Variants in RGPD3 observed in about 807,000 individuals in gnomAD.
The protein encoded by RGPD3 is RANBP2 like and GRIP domain containing 3.
In RGPD3, 62 loss-of-function variants were observed where a neutral mutation model predicts 154.5. That is an observed-to-expected ratio of 0.40 (90% CI 0.33 to 0.50). The LOEUF (loss-of-function observed/expected upper bound fraction) is 0.50. Ranked by LOEUF, RGPD3 falls within the 20% of genes least tolerant of loss-of-function variation. The probability of loss-of-function intolerance (pLI) is 0.59; values close to 1 mark genes in which losing one functional copy is unlikely to be tolerated. For synonymous variants in RGPD3, 308 were observed against 607.0 expected (o/e 0.51, Z 7.24); for missense variants, 919 against 1,716.8 (o/e 0.54, Z 8.21).
chr2:106,466,073 T>C (rs1678568911), intron 1 of RGPD3, among the ~76,000 whole-genome samples: 1 of 151,114 alleles, frequency 6.6e-6, no homozygotes, highest in Non-Finnish European at 1.5e-5. Context: ...AGCACCCGGG[T>C]GCCCAAGCCC....
intron 22 of RGPD3, among the ~76,000 whole-genome samples, chr2:106,407,329 C>T (rs577015665): frequency 6.6e-6 from 1 of 152,106 alleles, no homozygotes; most frequent in Non-Finnish European, 1.5e-5. Flanking sequence ...ATTAGGTTAG[C>T]CTACTGGCTC....
rs1232951707 is a variant in RGPD3 at position 106,426,653 on chromosome 2, G to A, written c.2606-565C>T. On this transcript the variant is annotated intron_variant, in intron 18 of 22. Transcript: ENST00000409886. ...CAACACTCATACAGATGTACAAACT[G>A]TCTGCTCCCTCTGTTTGGTCTGTTT... Among the ~76,000 whole-genome samples, 8 of 152,316 alleles carry A rather than the reference G, an allele frequency of 5.3e-5. No individual in the cohort carries two copies. In the South Asian group the frequency reaches 8.3e-4, roughly 16 times the overall value.
At chr2:106,420,738 T>G (rs1676957839) in intron 20 of RGPD3, among the ~76,000 whole-genome samples, 1 of 152,302 alleles carries the variant, frequency 6.6e-6, no homozygotes, top group Non-Finnish European at 1.5e-5. Flanking sequence ...TAACTGTTTC[T>G]TTTTATTCTT....
At chr2:106,438,410 C>A (rs1677641247) in intron 9 of RGPD3, among the ~76,000 whole-genome samples, 1 of 150,610 alleles carries the variant, frequency 6.6e-6, no homozygotes, top group Admixed American at 6.6e-5. Context: ...ATCCCTTGAG[C>A]CCAGAAGTTC....
At chr2:106,455,034 C>G in intron 4 of RGPD3, among the ~76,000 whole-genome samples, 1 of 152,050 alleles carries the variant, frequency 6.6e-6, no homozygotes, top group Non-Finnish European at 1.5e-5. Flanking sequence ...GGCACAGTGG[C>G]TCACACCTGT....
chr2:106,445,528 T>C (rs1175753906), intron 7 of RGPD3, among the ~76,000 whole-genome samples: 2 of 152,312 alleles, frequency 1.3e-5, no homozygotes, highest in Non-Finnish European at 2.9e-5. Flanking sequence ...ATGCCTGTAA[T>C]CCCAGCACTT....
At chr2:106,430,201 A>C (rs1475857032) in intron 17 of RGPD3, among the ~76,000 whole-genome samples, 1 of 151,038 alleles carries the variant, frequency 6.6e-6, no homozygotes, top group Non-Finnish European at 1.5e-5. Context: ...ATCTTTTGAA[A>C]GTTTCTATTT....
intron 6 of RGPD3, among the ~76,000 whole-genome samples, chr2:106,448,232 T>G (rs1433282372): frequency 6.6e-6 from 1 of 152,134 alleles, no homozygotes; most frequent in Admixed American, 6.5e-5. Flanking sequence ...CTCAGCCTCC[T>G]GAGTAGCTGG....
At chr2:106,468,805 CAAAAAAAAAAAAAAAA>C (rs57971663), upstream of RGPD3, among the ~76,000 whole-genome samples, 2 of 56,932 alleles carry the variant, frequency 3.5e-5, no homozygotes, top group Middle Eastern at 0.036. Context: ...GACTCCATCT[CAAAAAAAAAAAAAAAA>C]AAAAAAAAAA....
chr2:106,465,530 A>T (rs1437742416), intron 1 of RGPD3, among the ~76,000 whole-genome samples: 19 of 147,976 alleles, frequency 1.3e-4, no homozygotes, highest in African/African-American at 4.7e-4. Flanking sequence ...CAAGGTCCCC[A>T]CTAAGAATCT....
intron 1 of RGPD3, among the ~76,000 whole-genome samples, chr2:106,467,668 G>A (rs1404047100): frequency 7.1e-5 from 10 of 141,386 alleles, no homozygotes; most frequent in Middle Eastern, 4.9e-3. Flanking sequence ...AGCGCCCGTC[G>A]GGAGCCATGA....
rs779380461 is a variant in RGPD3, at chr2:106,459,339, A to G, written c.73-7T>C. The G allele has an allele frequency of 1.3e-6, 2 of 1,547,600 alleles. No homozygotes were observed. The highest frequency in any genetic ancestry group is 2.3e-4 in the Middle Eastern group (1 of 4,258). ...AGAATCCTCTCGTTGACTTCTAAAA[A>G]AAATTAAAAGTTGTTTTACGTTTCA... On this transcript the variant is annotated splice_region_variant and splice_polypyrimidine_tract_variant and intron_variant, in intron 1 of 22. Coordinates refer to ENST00000409886, the MANE Select transcript of RGPD3 (RefSeq NM_001144013.2).
At chr2:106,412,466 C>T (rs1448830417) in intron 22 of RGPD3, among the ~76,000 whole-genome samples, 57 of 151,608 alleles carry the variant, frequency 3.8e-4, no homozygotes, top group African/African-American at 1.2e-3. Flanking sequence ...CATGCCACCA[C>T]GTCCAGCTAA....
At chr2:106,439,815 G>A (rs1440936080) in intron 8 of RGPD3, among the ~76,000 whole-genome samples, 10 of 107,628 alleles carry the variant, frequency 9.3e-5, no homozygotes, top group African/African-American at 2.6e-4. Context: ...GCAGTGAGCC[G>A]AGATCACGCC....
At chr2:106,468,845 T>G, upstream of RGPD3, among the ~76,000 whole-genome samples, 1 of 141,990 alleles carries the variant, frequency 7.0e-6, no homozygotes, top group African/African-American at 2.6e-5. Flanking sequence ...GACTAAACTG[T>G]GATTTGAGGC....
intron 22 of RGPD3, among the ~76,000 whole-genome samples, chr2:106,405,634 A>G (rs1676493585): frequency 1.3e-5 from 2 of 152,208 alleles, no homozygotes; most frequent in African/African-American, 4.8e-5. Flanking sequence ...CTTCAGCCTC[A>G]CAGTGTTGGG....
rs200799525 is a variant in RGPD3 at position 106,424,531 on chromosome 2, G to A, written c.3436C>T (p.Arg1146Ter). Residue 1146 changes from arginine (R) to a stop codon, truncating the protein, a stop_gained, in exon 20 of 23, where the codon CGA becomes TGA. Coordinates refer to ENST00000409886, the MANE Select transcript of RGPD3 (RefSeq NM_001144013.2). LOFTEE classifies it high-confidence loss of function. ...DFSDGDAKLE[R>*]LAAKFKTPEL... ...GGTGTTTTAAATTTTGCTGCCAATCGCTCTAGTTTGGCATCACCATCAGAG... is the reference window on the plus strand; with the variant it reads ...GGTGTTTTAAATTTTGCTGCCAATCACTCTAGTTTGGCATCACCATCAGAG... 77 of 1,607,278 alleles carry A rather than the reference G, an allele frequency of 4.8e-5. No homozygotes were observed. Among genetic ancestry groups the A allele is most frequent in the African/African-American group, 3.9e-4 (29 of 74,396 alleles).
chr2:106,466,246 C>G (rs1012570938), intron 1 of RGPD3, among the ~76,000 whole-genome samples: 27 of 152,130 alleles, frequency 1.8e-4, no homozygotes, highest in Non-Finnish European at 3.4e-4. Flanking sequence ...AGGACTCTTC[C>G]TGCGCTTGCA....
Position 106,438,509 on chromosome 2 carries a change from C to T in RGPD3, c.1276+459G>A, listed in dbSNP as rs1290069462. Among the ~76,000 whole-genome samples, 62 of 147,724 alleles carry T rather than the reference C, an allele frequency of 4.2e-4. 1 individual carries two copies. The highest frequency in any genetic ancestry group is 3.4e-3 in the Middle Eastern group (1 of 290). On this transcript the variant is annotated intron_variant, in intron 9 of 22. Coordinates refer to ENST00000409886, the MANE Select transcript of RGPD3 (RefSeq NM_001144013.2). ...TCTCAAAATACAACAAGGCTGGTCA[C>T]GGTGGCTCACACCTGTAATCCCAGC...
Sources: allele counts gnomAD v4.1 joint callset (sites outside exome capture counted in the v4.1 genomes callset), GRCh38; gene constraint gnomAD v4.1.1; transcripts MANE v1.5; gene names NCBI Gene and HGNC (gene_info 2026-07-23, HGNC 2026-07-21).